Variants in RPP30 observed in about 807,000 individuals in gnomAD.
RPP30 encodes the protein ribonuclease P/MRP subunit p30, also known as ribonuclease P protein subunit p30.
A neutral mutation model predicts 38.6 loss-of-function variants in RPP30; 36 were observed. The observed-to-expected ratio is 0.93, with a 90% CI of 0.71 to 1.23. The LOEUF (loss-of-function observed/expected upper bound fraction) is 1.23, where lower values mean the gene tolerates loss of function less well. Ranked by LOEUF, RPP30 falls within the 50% of genes most tolerant of loss-of-function variation. The pLI is 0.00. For synonymous variants in RPP30, 126 were observed against 112.7 expected, an observed-to-expected ratio of 1.12 and a Z score of -0.75; for missense variants, 321 against 321.7, an observed-to-expected ratio of 1.00 and a Z score of 0.02.
chr10:90,896,036 T>C (rs927725483), intron 9 of RPP30, 119 bp downstream of exon 9: 37 of 768,492 alleles, frequency 4.8e-5, no homozygotes, highest in Non-Finnish European at 6.7e-5. Context: ...TACCAATTAA[T>C]AACTTCAAAA....
downstream of RPP30, chr10:90,902,393 A>T: frequency 3.0e-6 from 1 of 327,990 alleles, no homozygotes. Context: ...TAATTTTTGT[A>T]TTTTTTTGTA....
chr10:90,893,366 G>A (rs935002097), intron 6 of RPP30, among the ~76,000 whole-genome samples: 1 of 152,110 alleles, frequency 6.6e-6, no homozygotes, highest in African/African-American at 2.4e-5. Flanking sequence ...TATACTCTGG[G>A]CAATCGAAAC....
chr10:90,892,094 C>A (rs1418505219), intron 6 of RPP30, among the ~76,000 whole-genome samples: 1 of 152,176 alleles, frequency 6.6e-6, no homozygotes, highest in Middle Eastern at 3.2e-3. Context: ...ACACACCTGT[C>A]CTTAGTAGCA....
intron 3 of RPP30, 21 bp from the exon 4 acceptor site, chr10:90,876,003 C>T: frequency 1.5e-6 from 2 of 1,311,696 alleles, no homozygotes; most frequent in Non-Finnish European, 2.2e-6. Context: ...GCTTTTTTGA[C>T]ATCATGTCTT....
intron 10 of RPP30, 83 bp downstream of exon 10, chr10:90,896,475 A>G (rs1261638206): frequency 3.8e-6 from 4 of 1,057,984 alleles, no homozygotes; most frequent in Non-Finnish European, 5.8e-6. Flanking sequence ...TTATTGCCCT[A>G]CCCTACAGAG....
At chr10:90,874,948 A>C (rs767421495) in intron 2 of RPP30, 24 bp downstream of exon 2, 1 of 1,365,908 alleles carries the variant, frequency 7.3e-7, no homozygotes, top group Non-Finnish European at 1.0e-6. Flanking sequence ...TCTAAAGTTA[A>C]TAAGTTCATA....
chr10:90,888,506 T>G lies in RPP30; in HGVS notation c.432+2605T>G, dbSNP rs530927330. 7.2e-5 allele frequency among the ~76,000 whole-genome samples: 11 copies of G among 152,226 alleles called. No homozygotes were observed. The South Asian group carries it at 2.1e-3, about 29-fold the overall frequency. The stretch of plus-strand genomic sequence containing the variant: ...ACTCCACTATCTTGCGTATAATGAG[T>G]CCTCCTTACAGTTTGTTGAGTCAAT... On this transcript the variant is annotated intron_variant, in intron 6 of 10. Transcript: ENST00000371703.
At position 90,885,908 on chromosome 10, in the gene RPP30, G is replaced by T; in HGVS notation, c.432+7G>T. On this transcript the variant is annotated splice_region_variant and intron_variant, in intron 6 of 10. Coordinates refer to ENST00000371703, the MANE Select transcript of RPP30 (RefSeq NM_006413.5). Reference sequence around the variant, plus strand: ...AAGACCTCCTATTAATGTGGTAAGTGTACTTTCCATTCTGTATTTGAATCT... The same window carrying T: ...AAGACCTCCTATTAATGTGGTAAGTTTACTTTCCATTCTGTATTTGAATCT... 1 of 1,514,194 alleles carries T rather than the reference G, an allele frequency of 6.6e-7. No individual in the cohort carries two copies. The highest frequency in any genetic ancestry group is 9.1e-7 in the Non-Finnish European group (1 of 1,098,468). 93.8% of individuals were successfully genotyped at this position (1,514,194 alleles called of 1,614,324 possible). A position where few individuals can be genotyped will look rare whatever the true frequency, so the allele number is the denominator to read the frequency against.
intron 8 of RPP30, 156 bp downstream of exon 8, chr10:90,895,639 C>G (rs541811583): frequency 1.2e-5 from 6 of 512,516 alleles, no homozygotes; most frequent in Non-Finnish European, 2.0e-5. Context: ...AAAATTTATC[C>G]CCACTTTCTT....
chr10:90,894,654 G>T, intron 6 of RPP30, 121 bp from the exon 7 acceptor site: 1 of 735,538 alleles, frequency 1.4e-6, no homozygotes, highest in Non-Finnish European at 2.4e-6. Context: ...TCATAAAGCT[G>T]TACCTTGACA....
chr10:90,889,177 T>C (rs972091615), intron 6 of RPP30, among the ~76,000 whole-genome samples: 1 of 152,180 alleles, frequency 6.6e-6, no homozygotes, highest in African/African-American at 2.4e-5. Flanking sequence ...ACATAAAGTA[T>C]GGAAATGTAT....
At chr10:90,877,779 G>A (rs990274122) in intron 4 of RPP30, among the ~76,000 whole-genome samples, 2 of 152,210 alleles carry the variant, frequency 1.3e-5, no homozygotes, top group Admixed American at 6.5e-5. Flanking sequence ...GAGGCGTAGG[G>A]TGGTTAGTGG....
chr10:90,875,279 G>A (rs186816760), intron 2 of RPP30, among the ~76,000 whole-genome samples: 1 of 152,222 alleles, frequency 6.6e-6, no homozygotes, highest in East Asian at 1.9e-4. Flanking sequence ...TTACTAATAA[G>A]TATGTATATT....
intron 6 of RPP30, among the ~76,000 whole-genome samples, chr10:90,886,964 AG>A (rs1187411482): frequency 8.4e-4 from 128 of 151,624 alleles, no homozygotes; most frequent in Middle Eastern, 3.4e-3. Flanking sequence ...AAAAATTATT[AG>A]TAGTAGTAGT....
intron 1 of RPP30, among the ~76,000 whole-genome samples, chr10:90,873,002 A>C (rs1846802405): frequency 6.6e-6 from 1 of 152,208 alleles, no homozygotes; most frequent in Non-Finnish European, 1.5e-5. Flanking sequence ...ATGTTCTTTG[A>C]TCCTGTAAAA....
chr10:90,896,163 T>G, intron 9 of RPP30, 150 bp from the exon 10 acceptor site: 5 of 689,408 alleles, frequency 7.3e-6, no homozygotes, highest in Non-Finnish European at 1.3e-5. Flanking sequence ...ATGAGTCTTT[T>G]CTCAGATGCA....
At chr10:90,884,261 C>T (rs1464024157) in intron 5 of RPP30, among the ~76,000 whole-genome samples, 1 of 152,110 alleles carries the variant, frequency 6.6e-6, no homozygotes, top group African/African-American at 2.4e-5. Flanking sequence ...TAGGAGACTC[C>T]ACTTATACCT....
intron 6 of RPP30, among the ~76,000 whole-genome samples, chr10:90,887,074 C>T (rs1847011235): frequency 6.6e-6 from 1 of 152,038 alleles, no homozygotes; most frequent in Admixed American, 6.6e-5. Flanking sequence ...ATCAAGTGAT[C>T]CTCCTACCTC....
downstream of RPP30, chr10:90,902,390 TG>T: frequency 3.0e-6 from 1 of 330,056 alleles, no homozygotes; most frequent in South Asian, 2.2e-5. Flanking sequence ...AGCTAATTTT[TG>T]TATTTTTTTG....
Sources: allele counts gnomAD v4.1 joint callset (sites outside exome capture counted in the v4.1 genomes callset), GRCh38; gene constraint gnomAD v4.1.1; transcripts MANE v1.5; gene names NCBI Gene and HGNC (gene_info 2026-07-23, HGNC 2026-07-21).